The following XKR4 variants were observed in gnomAD, a reference collection of about 807,000 sequenced individuals.
XKR4 encodes the protein XK related 4, also known as XK-related protein 4.
A neutral mutation model predicts 53.9 loss-of-function variants in XKR4; 12 were observed. The observed-to-expected ratio is 0.22, with a 90% confidence interval of 0.14 to 0.36. The LOEUF is 0.36. XKR4 is among the 10% of genes least tolerant of loss of function. The probability of loss-of-function intolerance (pLI) is 1.00; values close to 1 mark genes in which losing one functional copy is unlikely to be tolerated. For synonymous variants in XKR4, 354 were observed against 362.4 expected, an observed-to-expected ratio of 0.98 and a Z score of 0.26; for missense variants, 799 against 859.5, an observed-to-expected ratio of 0.93 and a Z score of 0.88.
chr8:55,324,483 G>T (rs1803265742), intron 1 of XKR4, among the ~76,000 whole-genome samples: 1 of 152,104 alleles, frequency 6.6e-6, no homozygotes, highest in Admixed American at 6.5e-5. Flanking sequence ...ACTGTGTACT[G>T]GTCCTGTTAT....
intron 1 of XKR4, chr8:55,142,255 G>A (rs1378844007): frequency 2.2e-6 from 1 of 450,180 alleles, no homozygotes. Flanking sequence ...ACCTCTCCTC[G>A]TAGGAGAAGT....
At chr8:55,405,011 A>C (rs1216076000) in intron 2 of XKR4, among the ~76,000 whole-genome samples, 1 of 152,184 alleles carries the variant, frequency 6.6e-6, no homozygotes, top group Non-Finnish European at 1.5e-5. Flanking sequence ...CAACGAAAAA[A>C]ATGTCTGGTA....
At chr8:55,123,365 A>G (rs1024869968) in intron 1 of XKR4, among the ~76,000 whole-genome samples, 2 of 152,218 alleles carry the variant, frequency 1.3e-5, no homozygotes, top group African/African-American at 4.8e-5. Context: ...ATGAAAAGGC[A>G]TATGATGCCC....
At chr8:55,428,552 G>T (rs1018934757) in intron 2 of XKR4, among the ~76,000 whole-genome samples, 3 of 152,178 alleles carry the variant, frequency 2.0e-5, no homozygotes, top group Admixed American at 1.3e-4. Flanking sequence ...ATCCCAAACC[G>T]CACCGGAGTG....
intron 2 of XKR4, among the ~76,000 whole-genome samples, chr8:55,522,580 G>C (rs1806812625): frequency 2.0e-5 from 3 of 152,154 alleles, no homozygotes; most frequent in African/African-American, 7.2e-5. Context: ...CTAATTTCTT[G>C]TGATCACATA....
At chr8:55,440,144 A>G (rs1397602478) in intron 2 of XKR4, among the ~76,000 whole-genome samples, 2 of 152,344 alleles carry the variant, frequency 1.3e-5, no homozygotes, top group East Asian at 3.8e-4. Context: ...TCCAGAATAT[A>G]GTATGTTTTA....
intron 1 of XKR4, among the ~76,000 whole-genome samples, chr8:55,126,403 C>A (rs944276747): frequency 1.3e-5 from 2 of 152,230 alleles, no homozygotes; most frequent in Non-Finnish European, 2.9e-5. Flanking sequence ...CATCATTGTC[C>A]AGCTGCATTG....
chr8:55,349,383 A>G (rs1803694808), intron 1 of XKR4, among the ~76,000 whole-genome samples: 1 of 152,216 alleles, frequency 6.6e-6, no homozygotes, highest in Admixed American at 6.5e-5. Context: ...GATGTAATGT[A>G]TGATCATGGA....
At chr8:55,151,448 T>C (rs1052111825) in intron 1 of XKR4, among the ~76,000 whole-genome samples, 1 of 152,202 alleles carries the variant, frequency 6.6e-6, no homozygotes, top group Non-Finnish European at 1.5e-5. Flanking sequence ...ATACATGACA[T>C]GACTACAAAA....
intron 2 of XKR4, among the ~76,000 whole-genome samples, chr8:55,370,443 C>G (rs1011309307): frequency 6.6e-6 from 1 of 152,128 alleles, no homozygotes; most frequent in Non-Finnish European, 1.5e-5. Context: ...TTTATTAAAT[C>G]TATTAAGTAG....
chr8:55,517,375 G>A lies in XKR4; in HGVS notation c.1007-5906G>A, dbSNP rs144925684. 9.3e-3 allele frequency: 1,421 copies of A among 152,008 alleles called. 7 individuals carry two copies. Among genetic ancestry groups the A allele is most frequent in the Non-Finnish European group, 0.016 (1,077 of 68,024 alleles). The allele number at this position is 152,008 out of a possible 1,614,324, so 9.4% of individuals were successfully genotyped here. A position where few individuals can be genotyped will look rare whatever the true frequency, so the allele number is the denominator to read the frequency against. On this transcript the variant is annotated intron_variant, in intron 2 of 2. Transcript: ENST00000327381. ...CAGAGAGACAGGTGCTGGGGATACC[G>A]TGGTGAGCCACAGGCTGCACACCCT... is the stretch of plus-strand genomic sequence containing the variant.
chr8:55,497,967 C>T (rs532579021), intron 2 of XKR4, among the ~76,000 whole-genome samples: 1 of 152,332 alleles, frequency 6.6e-6, no homozygotes, highest in African/African-American at 2.4e-5. Flanking sequence ...CTGTTCCACA[C>T]TCAGCCCTCT....
rs1405435317 is a variant in XKR4 at position 55,539,043 on chromosome 8, C to T, written c.*14816C>T. ...GAATTCTACTAAAGGATAAAGGACA[C>T]AGTGTGAAAACAACATCAGAGAATA... On this transcript the variant is annotated 3_prime_UTR_variant, in exon 3 of 3. Transcript: ENST00000327381. 1.3e-5 allele frequency: 2 copies of T among 152,174 alleles called. No homozygotes were observed. Among genetic ancestry groups the T allele is most frequent in the East Asian group, 1.9e-4 (1 of 5,196 alleles). The allele number at this position is 152,174 out of a possible 1,614,324, so 9.4% of individuals were successfully genotyped here.
At chr8:55,513,389 T>G (rs779715922) in intron 2 of XKR4, among the ~76,000 whole-genome samples, 1 of 152,102 alleles carries the variant, frequency 6.6e-6, no homozygotes. Flanking sequence ...ACAGCTAAAT[T>G]TCCATCTCAG....
intron 1 of XKR4, among the ~76,000 whole-genome samples, chr8:55,247,232 G>A (rs567713907): frequency 6.6e-6 from 1 of 152,320 alleles, no homozygotes; most frequent in Admixed American, 6.5e-5. Flanking sequence ...GTGTGGGCAG[G>A]AAGACGGAGA....
chr8:55,204,321 T>C (rs1414421021), intron 1 of XKR4, among the ~76,000 whole-genome samples: 1 of 152,190 alleles, frequency 6.6e-6, no homozygotes, highest in Non-Finnish European at 1.5e-5. Flanking sequence ...GCATTAAAAA[T>C]GGAATTAAAT....
At chr8:55,373,174 G>A (rs1478846072) in intron 2 of XKR4, among the ~76,000 whole-genome samples, 1 of 152,062 alleles carries the variant, frequency 6.6e-6, no homozygotes, top group Non-Finnish European at 1.5e-5. Flanking sequence ...AAAAACTTTT[G>A]GGGTTTTTTT....
intron 1 of XKR4, among the ~76,000 whole-genome samples, chr8:55,307,370 G>A (rs1331503792): frequency 6.6e-6 from 1 of 152,118 alleles, no homozygotes; most frequent in East Asian, 1.9e-4. Context: ...ATACAGGAGG[G>A]GTGCAGTGGC....
intron 2 of XKR4, among the ~76,000 whole-genome samples, chr8:55,370,567 CA>C (rs1472579887): frequency 1.3e-5 from 2 of 152,206 alleles, no homozygotes; most frequent in East Asian, 3.9e-4. Flanking sequence ...AAACACTTCC[CA>C]AAAGTCTGAC....
Sources: allele counts gnomAD v4.1 joint callset (sites outside exome capture counted in the v4.1 genomes callset), GRCh38; gene constraint gnomAD v4.1.1; transcripts MANE v1.5; gene names NCBI Gene and HGNC (gene_info 2026-07-23, HGNC 2026-07-21).